The following WDR27 variants were observed in gnomAD, a reference collection of about 807,000 sequenced individuals.
WDR27 encodes the protein WD repeat domain 27, also known as WD repeat-containing protein 27.
Under a neutral mutation model 114.4 loss-of-function variants are expected in WDR27, and 100 were observed. The observed-to-expected ratio is 0.87, with a 90% CI of 0.74 to 1.03. WDR27 has a LOEUF of 1.03. Among genes scored for constraint, WDR27 ranks in the 50% least tolerant of loss-of-function variants. The pLI is 0.00. For synonymous variants in WDR27, 449 were observed against 423.1 expected (o/e 1.06, Z -0.75); for missense variants, 1,129 against 1,092.9 (o/e 1.03, Z -0.47).
the WDR27 span, among the ~76,000 whole-genome samples, chr6:169,431,733 T>G: frequency 6.6e-6 from 1 of 152,260 alleles, no homozygotes; most frequent in Non-Finnish European, 1.5e-5. Flanking sequence ...TGTCAAAGTT[T>G]AAATACTTGC....
intron 2 of WDR27, among the ~76,000 whole-genome samples, chr6:169,676,106 T>C (rs1327167958): frequency 1.3e-5 from 2 of 152,194 alleles, no homozygotes; most frequent in African/African-American, 2.4e-5. Context: ...CATGACTCCC[T>C]AGGCCCCTTA....
At chr6:169,689,485 G>A (rs1226321272) in intron 1 of WDR27, among the ~76,000 whole-genome samples, 5 of 152,200 alleles carry the variant, frequency 3.3e-5, no homozygotes, top group East Asian at 1.9e-4. Context: ...ATTGGAACCC[G>A]CATCTCCCAT....
intron 25 of WDR27, among the ~76,000 whole-genome samples, chr6:169,481,077 T>C (rs1043924452): frequency 9.3e-5 from 14 of 149,984 alleles, no homozygotes; most frequent in African/African-American, 3.5e-4. Flanking sequence ...GGTAGTGACT[T>C]GGAGAACTTT....
chr6:169,570,217 G>A (rs1022360776), intron 25 of WDR27, among the ~76,000 whole-genome samples: 1 of 152,214 alleles, frequency 6.6e-6, no homozygotes, highest in Admixed American at 6.5e-5. Context: ...GGGTTGGGGG[G>A]TGGTTTAGTC....
intron 25 of WDR27, among the ~76,000 whole-genome samples, chr6:169,548,663 A>G (rs976980636): frequency 1.3e-5 from 2 of 152,220 alleles, no homozygotes; most frequent in African/African-American, 4.8e-5. Context: ...CTATGAATCT[A>G]TAGTAATCAA....
chr6:169,492,722 T>C (rs1789932209), intron 25 of WDR27, among the ~76,000 whole-genome samples: 1 of 151,272 alleles, frequency 6.6e-6, no homozygotes, highest in Non-Finnish European at 1.5e-5. Context: ...AAGGAAGAAA[T>C]GAGATACAAG....
At chr6:169,664,568 C>G in intron 7 of WDR27, 1 of 1,294,548 alleles carries the variant, frequency 7.7e-7, no homozygotes, top group African/African-American at 1.5e-5. Context: ...CCTCTGGGAA[C>G]CCCAGGCCCC....
intron 25 of WDR27, among the ~76,000 whole-genome samples, chr6:169,501,467 G>A (rs969327818): frequency 6.6e-6 from 1 of 152,226 alleles, no homozygotes; most frequent in Non-Finnish European, 1.5e-5. Context: ...TGTGCCTGGT[G>A]TTGTACGAAG....
the WDR27 span, among the ~76,000 whole-genome samples, chr6:169,446,543 A>G: frequency 6.6e-6 from 1 of 152,236 alleles, no homozygotes; most frequent in Non-Finnish European, 1.5e-5. Flanking sequence ...ATTTGGGAGC[A>G]TCTGCAGGGG....
intron 25 of WDR27, among the ~76,000 whole-genome samples, chr6:169,552,250 C>CA (rs1798249064): frequency 6.6e-6 from 1 of 152,190 alleles, no homozygotes; most frequent in Admixed American, 6.5e-5. Flanking sequence ...AGCTGCCCCC[C>CA]ACTTCCTTCC....
chr6:169,656,507 C>T (rs367656094), intron 13 of WDR27, among the ~76,000 whole-genome samples: 1 of 147,400 alleles, frequency 6.8e-6, no homozygotes, highest in Admixed American at 6.7e-5. Context: ...AGAGACCAGG[C>T]GGGGTGGGGG....
chr6:169,493,163 T>C lies in WDR27; in HGVS notation c.2646-35529A>G, dbSNP rs574807206. 1.3e-4 allele frequency among the ~76,000 whole-genome samples: 20 copies of C among 151,970 alleles called. No homozygotes were observed. In the South Asian group the frequency reaches 2.7e-3, roughly 21 times the overall value. On this transcript the variant is annotated intron_variant, in intron 25 of 25. Coordinates refer to ENST00000448612, the MANE Select transcript of WDR27 (RefSeq NM_182552.5). ...GGATTAATAAATTCAGCCAGAAAGA[T>C]TGAAAGTAAAGGGTTGGAAAAAGTC...
At chr6:169,606,261 AT>A (rs1212593171) in intron 22 of WDR27, among the ~76,000 whole-genome samples, 1 of 152,206 alleles carries the variant, frequency 6.6e-6, no homozygotes, top group Non-Finnish European at 1.5e-5. Context: ...TCAACAAAAA[AT>A]ACCACAAATA....
At chr6:169,585,173 G>T (rs183567422) in intron 23 of WDR27, among the ~76,000 whole-genome samples, 1 of 152,070 alleles carries the variant, frequency 6.6e-6, no homozygotes. Flanking sequence ...TGGATGAAAG[G>T]CCTAAAATCA....
chr6:169,586,238 T>C (rs969852835), intron 23 of WDR27, among the ~76,000 whole-genome samples: 1 of 152,234 alleles, frequency 6.6e-6, no homozygotes, highest in African/African-American at 2.4e-5. Context: ...TGATTGGCCC[T>C]GTCATAAATC....
At chr6:169,426,684 C>T in the WDR27 span, 2 of 152,334 alleles carry the variant, frequency 1.3e-5, no homozygotes, top group Non-Finnish European at 2.9e-5. Flanking sequence ...CTGGGTGGGC[C>T]CCAGCAGCGA....
In WDR27 at chr6:169,659,190, G is replaced by A; in HGVS notation, c.1215C>T (p.Ala405=). The part of the protein sequence containing the change: ...TADQKVLCLL[A]SLFGGKIAVL... ...CGGCAATCTTCCCGCCAAAGAGGGA[G>A]GCCAGCAAGCACAGCACCTGCAGGG... is the stretch of plus-strand genomic sequence containing the variant. Residue 405 remains alanine, a synonymous_variant, in exon 12 of 26, where the codon GCC becomes GCT. Coordinates refer to ENST00000448612, the MANE Select transcript of WDR27 (RefSeq NM_182552.5). The surrounding 1 kb of genome is among the most constrained non-coding windows in gnomAD (Gnocchi z 4.3). The A allele has an allele frequency of 6.2e-7, 1 of 1,608,842 alleles. No individual in the cohort carries two copies. The highest frequency in any genetic ancestry group is 8.5e-7 in the Non-Finnish European group (1 of 1,177,710).
intron 25 of WDR27, among the ~76,000 whole-genome samples, chr6:169,491,926 A>T (rs116910223): frequency 6.6e-6 from 1 of 152,150 alleles, no homozygotes; most frequent in Non-Finnish European, 1.5e-5. Context: ...TGAGAAAGAG[A>T]AAAAAAATGA....
the WDR27 span, chr6:169,427,018 A>G: frequency 2.6e-5 from 4 of 152,050 alleles, no homozygotes; most frequent in East Asian, 7.7e-4. Flanking sequence ...TTGTTGGATC[A>G]GAGGAATAAA....
Sources: gnomAD v4.1 joint callset for allele counts (sites outside exome capture counted in the v4.1 genomes callset) on GRCh38, gnomAD v4.1.1 for gene constraint, Gnocchi (gnomAD v3.1) non-coding constraint, MANE v1.5 for transcripts, NCBI Gene and HGNC (gene_info 2026-07-23, HGNC 2026-07-21) for gene names.